The following KCNU1 variants were observed in gnomAD, a reference collection of about 807,000 sequenced individuals.
KCNU1 encodes potassium calcium-activated channel subfamily U member 1.
A neutral mutation model predicts 126.8 loss-of-function variants in KCNU1; 93 were observed. The ratio of observed to expected loss-of-function variants is 0.73; its 90% CI spans 0.62 to 0.87. KCNU1 has a LOEUF of 0.87. KCNU1 is among the 40% of genes least tolerant of loss of function. The pLI is 0.00. For synonymous variants in KCNU1, 523 were observed against 494.2 expected (o/e 1.06, Z -0.77); for missense variants, 1,330 against 1,367.1 (o/e 0.97, Z 0.43).
rs190153184 is a variant in KCNU1, at chr8:36,882,070, C to A, written c.2009+17549C>A. On this transcript the variant is annotated intron_variant, in intron 19 of 26. Transcript: ENST00000399881. ...ATTTGCAGACAGTCATCTACAGCCT[C>A]TCCAAAAAGAGACCCATTCTCTCTT... 6.6e-5 allele frequency among the ~76,000 whole-genome samples: 10 copies of A among 152,318 alleles called. No individual in the cohort carries two copies. The East Asian group carries it at 1.7e-3, about 26-fold the overall frequency.
chr8:36,886,842 T>C (rs1021806355), intron 19 of KCNU1, among the ~76,000 whole-genome samples: 1 of 152,180 alleles, frequency 6.6e-6, no homozygotes, highest in Non-Finnish European at 1.5e-5. Context: ...TATACCACTC[T>C]GTATGCCTTT....
intron 19 of KCNU1, among the ~76,000 whole-genome samples, chr8:36,869,068 CT>C (rs1023465818): frequency 1.3e-5 from 2 of 152,084 alleles, no homozygotes; most frequent in African/African-American, 4.8e-5. Flanking sequence ...TTTAGTAAAA[CT>C]GATTTTAATT....
chr8:36,916,129 G>A (rs1247685142), intron 22 of KCNU1, among the ~76,000 whole-genome samples: 2 of 147,752 alleles, frequency 1.4e-5, no homozygotes, highest in Non-Finnish European at 3.0e-5. Flanking sequence ...AAAGGTGGGA[G>A]GGAAGGGAAA....
chr8:36,798,612 T>C (rs770260877), intron 2 of KCNU1, among the ~76,000 whole-genome samples: 4 of 152,210 alleles, frequency 2.6e-5, no homozygotes, highest in Non-Finnish European at 5.9e-5. Flanking sequence ...CAGAAGAACC[T>C]TGGTCTCCAC....
chr8:36,833,655 T>A lies in KCNU1; in HGVS notation c.1208T>A (p.Val403Asp). 6.3e-7 allele frequency: 1 copy of A among 1,597,192 alleles called. No individual in the cohort carries two copies. The highest frequency in any genetic ancestry group is 8.6e-7 in the Non-Finnish European group (1 of 1,165,014). Residue 403 changes from valine to aspartate, a missense_variant, in exon 11 of 27, where the codon GTT (valine) becomes GAT (aspartate). This residue lies in a region of KCNU1 where 1,054 missense variants were observed against 1,053.9 expected (regional missense o/e 1.00). Transcript: ENST00000399881. Reference protein sequence around the residue: ...SAMKWEDLRRVAVESAEACLI... With the variant: ...SAMKWEDLRRDAVESAEACLI... ...ATGAAGTGGGAGGATCTGAGGCGAG[T>A]TGCGGTAAGATCTAGCTGTTTTTGT...
At chr8:36,858,207 T>A (rs1213920273) in intron 18 of KCNU1, among the ~76,000 whole-genome samples, 1 of 149,278 alleles carries the variant, frequency 6.7e-6, no homozygotes, top group Non-Finnish European at 1.5e-5. Flanking sequence ...AAACTGTTCG[T>A]ATGTAATTTC....
chr8:36,915,792 A>G (rs1271793780), intron 22 of KCNU1, among the ~76,000 whole-genome samples: 2 of 152,206 alleles, frequency 1.3e-5, no homozygotes, highest in African/African-American at 2.4e-5. Flanking sequence ...CTCAATGACT[A>G]TCCTCTAAAG....
rs1808832067 is a variant in KCNU1 at position 36,935,693 on chromosome 8, C to A, written c.3223C>A (p.Pro1075Thr). Residue 1075 changes from proline to threonine, a missense_variant, in exon 27 of 27, where the codon CCT (proline) becomes ACT (threonine). Physicochemically the swap from Pro to Thr is conservative, Grantham distance 38. Around this residue, in one of 3 missense-constraint regions of KCNU1, gnomAD observed 1,054 missense variants for 1,053.9 expected, o/e 1.00. Transcript: ENST00000399881. The part of the protein sequence containing the change: ...TTETHSDTNC[P>T]PTIDSVTETL... ...AGAGACACATTCAGACACAAATTGT[C>A]CTCCCACCATTGATTCAGTTACTGA... is the stretch of plus-strand genomic sequence containing the variant. 6.2e-7 allele frequency: 1 copy of A among 1,613,204 alleles called. No individual in the cohort carries two copies.
intron 18 of KCNU1, among the ~76,000 whole-genome samples, chr8:36,854,357 A>G (rs1034568945): frequency 6.6e-6 from 1 of 152,050 alleles, no homozygotes; most frequent in African/African-American, 2.4e-5. Flanking sequence ...ATCCTTTGGT[A>G]CACTTGATAA....
chr8:36,815,582 CT>C lies in KCNU1; in HGVS notation c.904-13del. 2.2e-6 allele frequency: 3 copies of C among 1,381,912 alleles called. No homozygotes were observed. The highest frequency in any genetic ancestry group is 1.0e-6 in the Non-Finnish European group (1 of 994,124). The allele number at this position is 1,381,912 out of a possible 1,614,324, so 85.6% of individuals were successfully genotyped here. A position where few individuals can be genotyped will look rare whatever the true frequency, so the allele number is the denominator to read the frequency against. ...TAATGAGAACTAAGGTTTTATTTTG[CT>C]GATCAATTTTAGATATTATTTGCGA... On this transcript the variant is annotated splice_polypyrimidine_tract_variant and intron_variant, in intron 8 of 26. Coordinates refer to ENST00000399881, the MANE Select transcript of KCNU1 (RefSeq NM_001031836.3).
At chr8:36,874,442 C>G (rs777924150) in intron 19 of KCNU1, among the ~76,000 whole-genome samples, 7 of 152,134 alleles carry the variant, frequency 4.6e-5, no homozygotes, top group African/African-American at 1.7e-4. Flanking sequence ...CCCCTGCTCA[C>G]AGGGTCATAG....
Position 36,834,772 on chromosome 8 carries a change from ATCT to A in KCNU1, c.1213-12_1213-10del. 6.3e-7 allele frequency: 1 copy of A among 1,582,478 alleles called. No homozygotes were observed. Among genetic ancestry groups the A allele is most frequent in the Admixed American group, 1.7e-5 (1 of 59,454 alleles). On this transcript the variant is annotated splice_polypyrimidine_tract_variant and intron_variant, in intron 11 of 26. Transcript: ENST00000399881. ...TAATTAACAAGATGGCTCCTGTCCG[ATCT>A]TGAAGGGTAGGTGGAATCTGCAGAG...
chr8:36,935,581 A>T lies in KCNU1; in HGVS notation c.3111A>T (p.Ile1037=). 1 of 1,613,084 alleles carries T rather than the reference A, an allele frequency of 6.2e-7. No individual in the cohort carries two copies. Among genetic ancestry groups the T allele is most frequent in the Non-Finnish European group, 8.5e-7 (1 of 1,179,328 alleles). The change falls in exon 27 of 27, where the codon ATA becomes ATT. Residue 1037 remains isoleucine, a synonymous_variant. Transcript: ENST00000399881. The part of the protein sequence containing the change: ...LLPSDLVFCA[I]PFSTACYKRN... ...CTTCAGATCTTGTGTTTTGTGCCAT[A>T]CCCTTCAGCACTGCTTGTTATAAAA...
chr8:36,842,824 C>G (rs1805006182), intron 16 of KCNU1, among the ~76,000 whole-genome samples: 1 of 152,142 alleles, frequency 6.6e-6, no homozygotes, highest in Admixed American at 6.5e-5. Flanking sequence ...GTGTGTGCAC[C>G]ACACCCGGTT....
At position 36,886,437 on chromosome 8, in the gene KCNU1, TA is replaced by T. The variant is rs1806706044; in HGVS notation, c.2010-19267del. Reference sequence around the variant, plus strand: ...TTCGGAAAGGAGACTTTATTTCTTGTAAAAGGTTACAGCCTGTAAGGTGGCC... The same window carrying T: ...TTCGGAAAGGAGACTTTATTTCTTGTAAAGGTTACAGCCTGTAAGGTGGCC... On this transcript the variant is annotated intron_variant, in intron 19 of 26. Coordinates refer to ENST00000399881, the MANE Select transcript of KCNU1 (RefSeq NM_001031836.3). 1.3e-5 allele frequency among the ~76,000 whole-genome samples: 2 copies of T among 152,156 alleles called. 1 individual carries two copies. The highest frequency in any genetic ancestry group is 4.1e-4 in the South Asian group (2 of 4,820).
chr8:36,910,842 A>G (rs2117532073), intron 21 of KCNU1, 88 bp from the exon 22 acceptor site: 4 of 885,278 alleles, frequency 4.5e-6, no homozygotes, highest in Non-Finnish European at 5.1e-6. Flanking sequence ...CTCAAAAATT[A>G]CATCACTCAC....
chr8:36,907,539 C>T (rs1563328802), intron 20 of KCNU1, among the ~76,000 whole-genome samples: 1 of 152,160 alleles, frequency 6.6e-6, no homozygotes, highest in Non-Finnish European at 1.5e-5. Flanking sequence ...ATTCATATCA[C>T]TCTAGGAAGG....
chr8:36,886,621 C>T (rs1806714458), intron 19 of KCNU1, among the ~76,000 whole-genome samples: 1 of 151,992 alleles, frequency 6.6e-6, no homozygotes, highest in African/African-American at 2.4e-5. Context: ...AACATAAGAC[C>T]CATGTTTACC....
chr8:36,927,509 G>A (rs1246588983), intron 24 of KCNU1, among the ~76,000 whole-genome samples: 2 of 152,134 alleles, frequency 1.3e-5, no homozygotes, highest in South Asian at 2.1e-4. Flanking sequence ...TACTTCTAAG[G>A]AAATTCAAGC....
Sources: allele counts gnomAD v4.1 joint callset (sites outside exome capture counted in the v4.1 genomes callset), GRCh38; gene constraint gnomAD v4.1.1; regional missense constraint gnomAD v4.1.1; transcripts MANE v1.5; gene names NCBI Gene and HGNC (gene_info 2026-07-23, HGNC 2026-07-21).